UBAC2: variants seen among roughly 807,000 people sequenced by gnomAD.
The protein encoded by UBAC2 is UBA domain containing 2, also known as ubiquitin-associated domain-containing protein 2.
A neutral mutation model predicts 44.0 loss-of-function variants in UBAC2; 26 were observed. The ratio of observed to expected loss-of-function variants is 0.59; its 90% CI spans 0.43 to 0.82. UBAC2 has a LOEUF of 0.82. Ranked by LOEUF, UBAC2 falls within the 40% of genes least tolerant of loss-of-function variation. The probability of loss-of-function intolerance (pLI) is 0.00; values close to 1 mark genes in which losing one functional copy is unlikely to be tolerated. For synonymous variants in UBAC2, 155 were observed against 154.3 expected, an observed-to-expected ratio of 1.00 and a Z score of -0.04; for missense variants, 329 against 419.4, an observed-to-expected ratio of 0.78 and a Z score of 1.88.
intron 4 of UBAC2, among the ~76,000 whole-genome samples, chr13:99,278,702 T>C (rs1240161877): frequency 6.6e-6 from 1 of 152,254 alleles, no homozygotes; most frequent in East Asian, 1.9e-4. Context: ...AATGGATAGA[T>C]ATTTTAGATA....
intron 6 of UBAC2, among the ~76,000 whole-genome samples, chr13:99,339,908 C>T (rs1342200958): frequency 6.6e-6 from 1 of 152,190 alleles, no homozygotes; most frequent in Non-Finnish European, 1.5e-5. Flanking sequence ...TCAGCTGAGA[C>T]ATGGCAGTTG....
chr13:99,272,256 T>G (rs1281741321), intron 4 of UBAC2, among the ~76,000 whole-genome samples: 2 of 152,208 alleles, frequency 1.3e-5, no homozygotes, highest in Non-Finnish European at 2.9e-5. Flanking sequence ...TATCTTTGTT[T>G]CTGATATCTG....
chr13:99,367,288 T>C (rs2045344024), intron 7 of UBAC2, among the ~76,000 whole-genome samples: 1 of 152,190 alleles, frequency 6.6e-6, no homozygotes, highest in East Asian at 1.9e-4. Context: ...CTGTGTGCGC[T>C]CAGGATTTAC....
chr13:99,283,713 CTTTTTTTTTTTTTTTTTTTTT>C (rs71118470), intron 4 of UBAC2, among the ~76,000 whole-genome samples: 14 of 62,600 alleles, frequency 2.2e-4, no homozygotes, highest in South Asian at 6.4e-4. Context: ...TTAATGCCAC[CTTTTTTTTTTTTTTTTTTTTT>C]TTTTTTTTTT....
Position 99,292,827 on chromosome 13 carries a change from C to T in UBAC2, c.390-21270C>T, listed in dbSNP as rs78790107. 0.015 allele frequency among the ~76,000 whole-genome samples: 2,297 copies of T among 151,864 alleles called. 106 individuals are homozygous for T. In the East Asian group the frequency reaches 0.15, roughly 10 times the overall value. ...ATTGTTAATAATGTATCACCCGATT[C>T]ATGGAGAAAATACTTATAGGGTTGT... On this transcript the variant is annotated intron_variant, in intron 4 of 8. Coordinates refer to ENST00000403766, the MANE Select transcript of UBAC2 (RefSeq NM_001144072.2).
intron 6 of UBAC2, among the ~76,000 whole-genome samples, chr13:99,331,336 A>C (rs1308531435): frequency 3.3e-5 from 5 of 152,318 alleles, no homozygotes; most frequent in African/African-American, 1.2e-4. Flanking sequence ...TGTTGTTTGA[A>C]GTTTTCTACT....
chr13:99,361,941 C>T (rs964320406), intron 7 of UBAC2, among the ~76,000 whole-genome samples: 1 of 152,116 alleles, frequency 6.6e-6, no homozygotes, highest in Non-Finnish European at 1.5e-5. Flanking sequence ...GACTGCAGTG[C>T]GCCATGATTG....
At chr13:99,291,154 G>A (rs1235196532) in intron 4 of UBAC2, among the ~76,000 whole-genome samples, 2 of 152,212 alleles carry the variant, frequency 1.3e-5, no homozygotes, top group East Asian at 3.8e-4. Context: ...AGATGGGGAT[G>A]ATAGTCATAC....
Position 99,345,783 on chromosome 13 carries a change from C to T in UBAC2, c.807+5218C>T, listed in dbSNP as rs1258476219. ...TTTGAGACAGAGTCTTGCTCTGTTGCCCAGGCTGGAGTGCAGTGGCGTGAT... is the reference window on the plus strand; with the variant it reads ...TTTGAGACAGAGTCTTGCTCTGTTGTCCAGGCTGGAGTGCAGTGGCGTGAT... On this transcript the variant is annotated intron_variant, in intron 7 of 8. Coordinates refer to ENST00000403766, the MANE Select transcript of UBAC2 (RefSeq NM_001144072.2). Among the ~76,000 whole-genome samples, 3 of 142,820 alleles carry T rather than the reference C, an allele frequency of 2.1e-5. No individual in the cohort carries two copies. In the East Asian group the frequency reaches 6.1e-4, roughly 29 times the overall value. 93.7% of individuals were successfully genotyped at this position (142,820 alleles called of 152,430 possible). A position where few individuals can be genotyped will look rare whatever the true frequency, so the allele number is the denominator to read the frequency against.
chr13:99,293,915 C>A (rs1299044182), intron 4 of UBAC2, among the ~76,000 whole-genome samples: 1 of 152,068 alleles, frequency 6.6e-6, no homozygotes, highest in African/African-American at 2.4e-5. Flanking sequence ...TCTTTATCTA[C>A]CATTATAAAA....
At chr13:99,352,986 C>T (rs1364472835) in intron 7 of UBAC2, among the ~76,000 whole-genome samples, 1 of 152,198 alleles carries the variant, frequency 6.6e-6, no homozygotes, top group Non-Finnish European at 1.5e-5. Flanking sequence ...TCCTCAGAGA[C>T]AGCAAGCTGG....
intron 1 of UBAC2, among the ~76,000 whole-genome samples, chr13:99,238,213 C>T (rs2043261132): frequency 6.6e-6 from 1 of 152,148 alleles, no homozygotes; most frequent in Non-Finnish European, 1.5e-5. Flanking sequence ...GGCAATGAAG[C>T]CCTGCTAGGG....
chr13:99,380,738 G>T (rs1171245601), intron 8 of UBAC2, among the ~76,000 whole-genome samples: 1 of 152,196 alleles, frequency 6.6e-6, no homozygotes, highest in Non-Finnish European at 1.5e-5. Flanking sequence ...AAACCTTCAG[G>T]TGCCCTTTCT....
chr13:99,310,718 T>A (rs1405415762), intron 4 of UBAC2, among the ~76,000 whole-genome samples: 2 of 152,268 alleles, frequency 1.3e-5, no homozygotes, highest in Admixed American at 6.5e-5. Context: ...GTATGTGAAA[T>A]GTAAACTGTG....
chr13:99,280,428 A>G (rs55826332), intron 4 of UBAC2, among the ~76,000 whole-genome samples: 4,662 of 152,338 alleles, frequency 0.031, 93 homozygotes, highest in Middle Eastern at 0.13. Flanking sequence ...TTCTACCAAG[A>G]AAACAAGGAG....
chr13:99,375,484 A>C (rs530125262), intron 8 of UBAC2, among the ~76,000 whole-genome samples: 1 of 152,276 alleles, frequency 6.6e-6, no homozygotes, highest in South Asian at 2.1e-4. Flanking sequence ...CAGGGTGTGC[A>C]TGCTACCCTG....
At chr13:99,326,026 C>A (rs953498129) in intron 6 of UBAC2, among the ~76,000 whole-genome samples, 2 of 152,160 alleles carry the variant, frequency 1.3e-5, no homozygotes, top group Non-Finnish European at 2.9e-5. Flanking sequence ...TCTTTGAGAT[C>A]CTGATTCATT....
chr13:99,324,371 C>T (rs2044608919), intron 6 of UBAC2, among the ~76,000 whole-genome samples: 1 of 152,126 alleles, frequency 6.6e-6, no homozygotes, highest in South Asian at 2.1e-4. Flanking sequence ...CTTGAAGAGC[C>T]ACTGCCTGGT....
chr13:99,366,628 AT>A (rs5806111), intron 7 of UBAC2, among the ~76,000 whole-genome samples: 86,947 of 151,466 alleles, frequency 0.57, 26,678 homozygotes, highest in Non-Finnish European at 0.71. Flanking sequence ...TTTTAGTTTG[AT>A]TTTTTTTTCA....
Sources: allele counts gnomAD v4.1 joint callset (sites outside exome capture counted in the v4.1 genomes callset), GRCh38; gene constraint gnomAD v4.1.1; transcripts MANE v1.5; gene names NCBI Gene and HGNC (gene_info 2026-07-23, HGNC 2026-07-21).